Variants in ASTN2 observed in about 807,000 individuals in gnomAD.
The protein encoded by ASTN2 is astrotactin 2.
In ASTN2, 54 loss-of-function variants were observed where a neutral mutation model predicts 139.8. That is an observed-to-expected ratio of 0.39 (90% CI 0.31 to 0.48). ASTN2 has a LOEUF of 0.48. ASTN2 is among the 20% of genes least tolerant of loss of function. The pLI, the probability that ASTN2 is intolerant of heterozygous loss-of-function variation, is 0.95. For missense variants in ASTN2, 1,565 were observed against 1,725.1 expected (o/e 0.91, Z 1.64); for synonymous variants, 756 against 719.5 (o/e 1.05, Z -0.81).
At chr9:117,242,685 T>A (rs1016925818) in intron 2 of ASTN2, among the ~76,000 whole-genome samples, 13 of 152,202 alleles carry the variant, frequency 8.5e-5, no homozygotes, top group Non-Finnish European at 1.9e-4. Flanking sequence ...CTGGAGATGA[T>A]GTTTGGTAGA....
chr9:117,216,903 AC>A (rs963849957), intron 2 of ASTN2, among the ~76,000 whole-genome samples: 1 of 152,224 alleles, frequency 6.6e-6, no homozygotes, highest in African/African-American at 2.4e-5. Context: ...AATCTTTAAG[AC>A]AAGACTATGT....
intron 5 of ASTN2, among the ~76,000 whole-genome samples, chr9:117,094,808 C>T (rs1042373909): frequency 6.6e-6 from 1 of 152,198 alleles, no homozygotes; most frequent in African/African-American, 2.4e-5. Context: ...ACACCAGACA[C>T]CATAAATTTT....
intron 12 of ASTN2, among the ~76,000 whole-genome samples, chr9:116,816,898 A>AATAAATAAATAAATAAATAT: frequency 6.6e-6 from 1 of 151,482 alleles, no homozygotes; most frequent in Non-Finnish European, 1.5e-5. Context: ...TAGAAATGAA[A>AATAAATAAATAAATAAATAT]ATAAATAAAT....
At chr9:116,622,513 A>T (rs963602412) in intron 17 of ASTN2, among the ~76,000 whole-genome samples, 1 of 152,260 alleles carries the variant, frequency 6.6e-6, no homozygotes, top group Non-Finnish European at 1.5e-5. Flanking sequence ...AGATATTACG[A>T]TCCTCATTTA....
chr9:117,030,571 G>A (rs1838218572), intron 6 of ASTN2, among the ~76,000 whole-genome samples: 1 of 152,120 alleles, frequency 6.6e-6, no homozygotes, highest in Non-Finnish European at 1.5e-5. Context: ...AGTCCCACTG[G>A]CTGCTGTGGT....
At chr9:116,582,460 C>G (rs1199442558) in intron 19 of ASTN2, 1 of 152,108 alleles carries the variant, frequency 6.6e-6, no homozygotes, top group Non-Finnish European at 1.5e-5. Flanking sequence ...AAACTAAGAC[C>G]CAAAGCCAAA....
At chr9:116,501,696 C>G (rs1161562749) in intron 19 of ASTN2, among the ~76,000 whole-genome samples, 5 of 138,510 alleles carry the variant, frequency 3.6e-5, no homozygotes, top group South Asian at 5.1e-4. Context: ...ACTCTGGGGA[C>G]TGTTGTGGGG....
intron 11 of ASTN2, among the ~76,000 whole-genome samples, chr9:116,836,425 T>G (rs1270168855): frequency 1.3e-5 from 2 of 152,166 alleles, no homozygotes; most frequent in African/African-American, 4.8e-5. Flanking sequence ...CCCACGCCAT[T>G]CAACCGTTGC....
At chr9:117,197,044 A>G (rs1162824541) in intron 3 of ASTN2, 1 of 152,236 alleles carries the variant, frequency 6.6e-6, no homozygotes, top group Non-Finnish European at 1.5e-5. Flanking sequence ...ATGCTTTACA[A>G]GAATAGCTAG....
At chr9:116,655,357 A>C (rs748199841) in intron 16 of ASTN2, among the ~76,000 whole-genome samples, 1 of 152,210 alleles carries the variant, frequency 6.6e-6, no homozygotes, top group Non-Finnish European at 1.5e-5. Context: ...CTCCTGCTTA[A>C]AACACTTCCA....
chr9:116,891,514 C>G (rs1424984996), intron 10 of ASTN2, among the ~76,000 whole-genome samples: 2 of 152,198 alleles, frequency 1.3e-5, no homozygotes, highest in Non-Finnish European at 2.9e-5. Context: ...TACGTTACCC[C>G]CACTTTATAG....
chr9:116,820,098 T>C (rs975542746), intron 12 of ASTN2, among the ~76,000 whole-genome samples: 1 of 152,210 alleles, frequency 6.6e-6, no homozygotes, highest in Non-Finnish European at 1.5e-5. Context: ...TTGTTTCCTT[T>C]AGCCCTCCCC....
At chr9:116,938,925 C>T (rs1031406897) in intron 10 of ASTN2, among the ~76,000 whole-genome samples, 1 of 152,184 alleles carries the variant, frequency 6.6e-6, no homozygotes, top group Admixed American at 6.5e-5. Context: ...ACTTTCTTTA[C>T]TATGTGCCAA....
At chr9:117,363,871 T>C (rs1829760212) in intron 1 of ASTN2, among the ~76,000 whole-genome samples, 1 of 152,152 alleles carries the variant, frequency 6.6e-6, no homozygotes, top group Admixed American at 6.5e-5. Flanking sequence ...ATCTATCTTT[T>C]CTCTTGACCT....
intron 5 of ASTN2, among the ~76,000 whole-genome samples, chr9:117,067,470 G>A (rs1827986197): frequency 1.0e-5 from 1 of 100,464 alleles, no homozygotes; most frequent in Admixed American, 1.0e-4. Context: ...TTTTGGCTTA[G>A]GATTGACTTG....
intron 2 of ASTN2, among the ~76,000 whole-genome samples, chr9:117,255,600 T>C (rs1833663885): frequency 6.6e-6 from 1 of 152,202 alleles, no homozygotes; most frequent in Non-Finnish European, 1.5e-5. Context: ...AATCTACCTG[T>C]AGAGGTGAAG....
chr9:117,328,123 G>A (rs926054030), intron 1 of ASTN2, among the ~76,000 whole-genome samples: 3 of 152,136 alleles, frequency 2.0e-5, no homozygotes, highest in African/African-American at 4.8e-5. Context: ...CCTTGCAATT[G>A]TTCTATAACC....
chr9:116,617,206 C>G (rs1162035774), intron 19 of ASTN2, among the ~76,000 whole-genome samples: 1 of 152,136 alleles, frequency 6.6e-6, no homozygotes, highest in Non-Finnish European at 1.5e-5. Context: ...CATTTTATCA[C>G]TTTCTTCCCA....
chr9:116,600,630 T>A (rs894321587), intron 19 of ASTN2, among the ~76,000 whole-genome samples: 1 of 152,198 alleles, frequency 6.6e-6, no homozygotes, highest in African/African-American at 2.4e-5. Flanking sequence ...TAAAATAAGA[T>A]AATGGATTTG....
Sources: allele counts gnomAD v4.1 joint callset (sites outside exome capture counted in the v4.1 genomes callset), GRCh38; gene constraint gnomAD v4.1.1; transcripts MANE v1.5; gene names NCBI Gene and HGNC (gene_info 2026-07-23, HGNC 2026-07-21).